The following SOX6 variants were observed in gnomAD, a reference collection of about 807,000 sequenced individuals.
The protein encoded by SOX6 is SRY-box transcription factor 6.
A neutral mutation model predicts 97.8 loss-of-function variants in SOX6; 11 were observed. The ratio of observed to expected loss-of-function variants is 0.11; its 90% CI spans 0.07 to 0.19. The LOEUF is 0.19. Ranked by LOEUF, SOX6 falls within the 10% of genes least tolerant of loss-of-function variation. The pLI is 1.00. For missense variants in SOX6, 810 were observed against 1,039.5 expected, an observed-to-expected ratio of 0.78 and a Z score of 3.04; for synonymous variants, 360 against 371.4, an observed-to-expected ratio of 0.97 and a Z score of 0.35.
At chr11:16,648,929 C>T (rs1177307113) in intron 3 of SOX6, among the ~76,000 whole-genome samples, 1 of 151,818 alleles carries the variant, frequency 6.6e-6, no homozygotes, top group Non-Finnish European at 1.5e-5. Context: ...AAAAAATAAT[C>T]ACAACTTCTG....
chr11:16,182,710 T>C (rs560527905), intron 6 of SOX6, among the ~76,000 whole-genome samples: 3 of 151,976 alleles, frequency 2.0e-5, no homozygotes, highest in African/African-American at 4.8e-5. Context: ...GGCTAAGATC[T>C]CCTACTGAAA....
rs566148286 is a variant in SOX6 at position 16,471,523 on chromosome 11, T to C, written c.-5+4792A>G. Among the ~76,000 whole-genome samples, 7 of 152,298 alleles carry C rather than the reference T, an allele frequency of 4.6e-5. No individual in the cohort carries two copies. The South Asian group carries it at 1.0e-3, about 23-fold the overall frequency. On this transcript the variant is annotated intron_variant, in intron 1 of 15. Coordinates refer to the SOX6 transcript ENST00000396356. ...GTATAACTTTCTGCCTTAGATCATG[T>C]AGCAAATAAGCAGTTGTAGGACATG...
At chr11:16,510,052 T>C (rs1047246803) in intron 4 of SOX6, among the ~76,000 whole-genome samples, 3 of 152,076 alleles carry the variant, frequency 2.0e-5, no homozygotes, top group Admixed American at 6.5e-5. Flanking sequence ...CTCATTTCTA[T>C]ATAATGAAGC....
At chr11:16,021,476 A>G (rs1441801935) in intron 12 of SOX6, among the ~76,000 whole-genome samples, 1 of 152,176 alleles carries the variant, frequency 6.6e-6, no homozygotes, top group African/African-American at 2.4e-5. Context: ...TGAATGATCA[A>G]AAATGTAGGC....
intron 3 of SOX6, among the ~76,000 whole-genome samples, chr11:16,280,525 A>C (rs1284144891): frequency 6.6e-6 from 1 of 152,108 alleles, no homozygotes; most frequent in Non-Finnish European, 1.5e-5. Flanking sequence ...AACCGCCAAC[A>C]CATCTGTCAG....
At chr11:16,285,467 G>C (rs1282782786) in intron 3 of SOX6, among the ~76,000 whole-genome samples, 1 of 152,164 alleles carries the variant, frequency 6.6e-6, no homozygotes, top group East Asian at 1.9e-4. Context: ...CCAGGAGGCG[G>C]AGGTGGCAGT....
intron 12 of SOX6, among the ~76,000 whole-genome samples, chr11:16,024,843 A>G (rs1420322821): frequency 6.6e-6 from 1 of 152,100 alleles, no homozygotes; most frequent in Non-Finnish European, 1.5e-5. Flanking sequence ...AACATTCTCC[A>G]ATGATGTATG....
intron 6 of SOX6, among the ~76,000 whole-genome samples, chr11:16,132,505 A>AAAGAAAGAAGGCAAGCAAGCAAGCAAGC (rs1451899878): frequency 1.2e-5 from 1 of 86,152 alleles, no homozygotes; most frequent in Non-Finnish European, 2.6e-5. Flanking sequence ...AGAAAGAAAG[A>AAAGAAAGAAGGCAAGCAAGCAAGCAAGC]AAGCTTATCT....
chr11:16,037,944 T>G (rs1159570921), intron 12 of SOX6, among the ~76,000 whole-genome samples: 2 of 152,190 alleles, frequency 1.3e-5, no homozygotes, highest in African/African-American at 4.8e-5. Context: ...AGGCCACTTA[T>G]GTTGATTATA....
rs144615694 is a variant in SOX6, at chr11:16,402,769, A to C, written c.-4-61517T>G. On this transcript the variant is annotated intron_variant, in intron 1 of 15. Transcript: ENST00000396356. ...CTGGCTAGAAATATTAGGAAAAAAA[A>C]CAATCTACTATTGTTACATGAGACA... 1.4e-5 allele frequency: 22 copies of C among 1,606,388 alleles called. No homozygotes were observed. In the Admixed American group the frequency reaches 3.4e-4, roughly 25 times the overall value.
intron 3 of SOX6, among the ~76,000 whole-genome samples, chr11:16,653,809 T>C (rs944973365): frequency 1.3e-5 from 2 of 152,138 alleles, no homozygotes; most frequent in African/African-American, 4.8e-5. Context: ...AACTTGCTAT[T>C]GCTGTCTAAA....
intron 1 of SOX6, among the ~76,000 whole-genome samples, chr11:16,375,249 T>C (rs1469315410): frequency 6.6e-6 from 1 of 152,096 alleles, no homozygotes; most frequent in African/African-American, 2.4e-5. Context: ...GTTATACATA[T>C]TATTAAACAG....
At chr11:15,977,264 G>A (rs12418884) in intron 15 of SOX6, among the ~76,000 whole-genome samples, 49,320 of 151,730 alleles carry the variant, frequency 0.33, 9,454 homozygotes, top group Non-Finnish European at 0.43. Context: ...TGACCTCCCC[G>A]CCACTGTGAT....
chr11:16,036,818 G>A lies in SOX6; in HGVS notation c.1623+9696C>T, dbSNP rs550012761. ...AAAACAACACAGTGTGTTTTCAAGTGATCGCGTATGCTTCTCTGAGGAATC... is the reference window on the plus strand; with the variant it reads ...AAAACAACACAGTGTGTTTTCAAGTAATCGCGTATGCTTCTCTGAGGAATC... On this transcript the variant is annotated intron_variant, in intron 12 of 15. Transcript: ENST00000683767. Among the ~76,000 whole-genome samples the A allele has an allele frequency of 5.6e-4, 86 of 152,266 alleles. 1 individual carries two copies. Among genetic ancestry groups the A allele is most frequent in the African/African-American group, 2.0e-3 (83 of 41,560 alleles).
intron 13 of SOX6, among the ~76,000 whole-genome samples, chr11:16,007,221 G>A (rs900734497): frequency 1.3e-5 from 2 of 152,092 alleles, no homozygotes; most frequent in African/African-American, 4.8e-5. Context: ...ATATGGTATA[G>A]TCCATTGCTC....
chr11:16,099,707 C>CT (rs34413272), intron 7 of SOX6, among the ~76,000 whole-genome samples: 3,007 of 134,644 alleles, frequency 0.022, 59 homozygotes, highest in Admixed American at 0.036. Flanking sequence ...TATGAAATAG[C>CT]TTTTTTTTTT....
At chr11:16,268,553 C>T (rs1271837150) in intron 3 of SOX6, among the ~76,000 whole-genome samples, 1 of 151,094 alleles carries the variant, frequency 6.6e-6, no homozygotes, top group Non-Finnish European at 1.5e-5. Context: ...AGTAACAGAG[C>T]TTCAAAATAT....
At chr11:16,376,229 T>C (rs1265768993) in intron 1 of SOX6, among the ~76,000 whole-genome samples, 1 of 152,152 alleles carries the variant, frequency 6.6e-6, no homozygotes, top group African/African-American at 2.4e-5. Context: ...TCTGTAAACA[T>C]GTGGCATACC....
chr11:16,002,169 G>C (rs1241350286), intron 13 of SOX6, among the ~76,000 whole-genome samples: 1 of 152,168 alleles, frequency 6.6e-6, no homozygotes, highest in African/African-American at 2.4e-5. Flanking sequence ...GACCGGAGTG[G>C]CGCAGGAGTT....
Sources: allele counts gnomAD v4.1 joint callset (sites outside exome capture counted in the v4.1 genomes callset), GRCh38; gene constraint gnomAD v4.1.1; transcripts MANE v1.5; gene names NCBI Gene and HGNC (gene_info 2026-07-23, HGNC 2026-07-21).